Variants in OSBPL2 observed in about 807,000 individuals in gnomAD.
The protein encoded by OSBPL2 is oxysterol-binding protein-related protein 2.
In OSBPL2, 18 loss-of-function variants were observed where a neutral mutation model predicts 58.4. The observed-to-expected ratio is 0.31, with a 90% CI of 0.21 to 0.46. The LOEUF (loss-of-function observed/expected upper bound fraction) is 0.46, where lower values mean the gene tolerates loss of function less well. OSBPL2 is among the 20% of genes least tolerant of loss of function. The pLI is 1.00. For missense variants in OSBPL2, 461 were observed against 616.5 expected (o/e 0.75, Z 2.67); for synonymous variants, 221 against 234.1 (o/e 0.94, Z 0.51).
chr20:62,269,310 A>G lies in OSBPL2; in HGVS notation c.259-2815A>G, dbSNP rs1412303475. 6.6e-6 allele frequency among the ~76,000 whole-genome samples: 1 copy of G among 152,070 alleles called. No individual in the cohort carries two copies. Among genetic ancestry groups the G allele is most frequent in the East Asian group, 1.9e-4 (1 of 5,192 alleles). ...ACGGGTCATTTCTGATCTTTCATGGATCCAGCCGTGCGGCAGCAAAGAGCC... is the reference window on the plus strand; with the variant it reads ...ACGGGTCATTTCTGATCTTTCATGGGTCCAGCCGTGCGGCAGCAAAGAGCC... On this transcript the variant is annotated intron_variant, in intron 4 of 13. Coordinates refer to ENST00000313733, the MANE Select transcript of OSBPL2 (RefSeq NM_144498.4). The surrounding 1 kb of genome is among the most constrained non-coding windows in gnomAD (Gnocchi z 4.2).
intron 7 of OSBPL2, 32 bp from the exon 8 acceptor site, chr20:62,281,026 C>T (rs1982745406): frequency 6.5e-7 from 1 of 1,546,024 alleles, no homozygotes; most frequent in Non-Finnish European, 8.9e-7. Context: ...CTTTTCTGGA[C>T]TCTCACTGCT....
At chr20:62,280,202 A>G (rs963269258) in intron 7 of OSBPL2, 6 of 970,732 alleles carry the variant, frequency 6.2e-6, no homozygotes, top group Non-Finnish European at 8.4e-6. Flanking sequence ...TAAGTAATAA[A>G]CGACACCTTG....
At chr20:62,253,899 C>G (rs921016000) in intron 1 of OSBPL2, among the ~76,000 whole-genome samples, 7 of 152,100 alleles carry the variant, frequency 4.6e-5, no homozygotes, top group African/African-American at 1.7e-4. Flanking sequence ...TCAAGCGATT[C>G]ACCTGTCTCA....
chr20:62,289,456 TAAAC>T (rs1601203086), intron 12 of OSBPL2, 126 bp downstream of exon 12: 1 of 1,143,280 alleles, frequency 8.7e-7, no homozygotes, highest in Non-Finnish European at 1.2e-6. Flanking sequence ...TCCCTCTCCC[TAAAC>T]AAACAGGCAG....
chr20:62,245,742 G>T (rs944884), intron 1 of OSBPL2, among the ~76,000 whole-genome samples: 1 of 152,098 alleles, frequency 6.6e-6, no homozygotes, highest in Non-Finnish European at 1.5e-5. Flanking sequence ...GTGACGGGCT[G>T]CAGATGGTGA....
In OSBPL2 at chr20:62,273,680, C is replaced by T. The variant is rs532941023; in HGVS notation, c.491+274C>T. Among the ~76,000 whole-genome samples, 14 of 152,310 alleles carry T rather than the reference C, an allele frequency of 9.2e-5. No homozygotes were observed. The East Asian group carries it at 1.4e-3, about 15-fold the overall frequency. ...GCGTGGAGATAGCGCGCACTGTAGA[C>T]GCTTCCGTGTGTGTGTGCGACGTCT... On this transcript the variant is annotated intron_variant, in intron 6 of 13. Transcript: ENST00000313733.
At chr20:62,243,501 G>A (rs908376777) in intron 1 of OSBPL2, among the ~76,000 whole-genome samples, 2 of 152,122 alleles carry the variant, frequency 1.3e-5, no homozygotes, top group Admixed American at 6.5e-5. Flanking sequence ...CAGTGGCTCG[G>A]CTGTCAGGGT....
intron 5 of OSBPL2, among the ~76,000 whole-genome samples, chr20:62,272,494 G>A (rs1026456453): frequency 6.6e-6 from 1 of 152,208 alleles, no homozygotes; most frequent in Non-Finnish European, 1.5e-5. Context: ...CCCTGCTGCC[G>A]CCTCCTGCCG....
At chr20:62,282,584 A>G (rs1982862336) in intron 9 of OSBPL2, among the ~76,000 whole-genome samples, 1 of 152,332 alleles carries the variant, frequency 6.6e-6, no homozygotes, top group East Asian at 1.9e-4. Flanking sequence ...CTGTAATCCC[A>G]TCACTTCTGA....
rs1983162290 is a variant in OSBPL2 at position 62,286,818 on chromosome 20, G to A, written c.1125+107G>A. 7 of 1,326,612 alleles carry A rather than the reference G, an allele frequency of 5.3e-6. No individual in the cohort carries two copies. In the Admixed American group the frequency reaches 6.6e-5, roughly 12 times the overall value. 82.2% of individuals were successfully genotyped at this position (1,326,612 alleles called of 1,614,324 possible). On this transcript the variant is annotated intron_variant, in intron 11 of 13. Transcript: ENST00000313733. Reference sequence around the variant, plus strand: ...TCCTTGGGCCCTTGCCTGCCGCCTCGCCTCAGCCTGTTGTCCCAGAGCAGA... The same window carrying A: ...TCCTTGGGCCCTTGCCTGCCGCCTCACCTCAGCCTGTTGTCCCAGAGCAGA...
At chr20:62,241,059 T>C (rs1044739294) in intron 1 of OSBPL2, among the ~76,000 whole-genome samples, 2 of 152,220 alleles carry the variant, frequency 1.3e-5, no homozygotes, top group Non-Finnish European at 1.5e-5. Context: ...CAGACTCTGC[T>C]GTGTTCCACA....
chr20:62,262,406 G>A (rs1056808638), intron 3 of OSBPL2, among the ~76,000 whole-genome samples: 11 of 152,088 alleles, frequency 7.2e-5, no homozygotes, highest in African/African-American at 2.2e-4. Context: ...TTGTTCCTAC[G>A]CATCCCATCT....
intron 4 of OSBPL2, among the ~76,000 whole-genome samples, chr20:62,270,018 A>G (rs1208244808): frequency 3.9e-5 from 6 of 152,144 alleles, no homozygotes; most frequent in African/African-American, 1.4e-4. Context: ...CTCGTCCTTG[A>G]CCCAGTGTCT....
At chr20:62,282,317 C>T (rs578063063) in intron 9 of OSBPL2, among the ~76,000 whole-genome samples, 6 of 152,156 alleles carry the variant, frequency 3.9e-5, no homozygotes, top group Non-Finnish European at 7.3e-5. Context: ...CCAGTTCACT[C>T]CAGTCTTTAA....
chr20:62,293,761 A>AC (rs763802500), intron 13 of OSBPL2, 24 bp from the exon 14 acceptor site: 27 of 1,608,198 alleles, frequency 1.7e-5, no homozygotes, highest in Admixed American at 5.1e-5. Flanking sequence ...GCATCTTCTG[A>AC]CCCCCCTCCC....
At chr20:62,278,517 TTG>T (rs796956314) in intron 6 of OSBPL2, 40,536 of 110,768 alleles carry the variant, frequency 0.37, 10,197 homozygotes, top group Middle Eastern at 0.41. Context: ...TATGTGTGTG[TTG>T]CCAACGTTAG....
chr20:62,257,929 G>A (rs1467672241), intron 2 of OSBPL2, among the ~76,000 whole-genome samples: 6 of 152,100 alleles, frequency 3.9e-5, no homozygotes, highest in African/African-American at 1.4e-4. Flanking sequence ...TGGCCAGGCT[G>A]GTCTCGAACT....
Position 62,281,173 on chromosome 20 carries a change from C to T in OSBPL2, c.782+8C>T. ...GGAGATTTTAAACCACAGGTGACAGCACCCCACCGTTGGGTGAGAGCGCGA... is the reference window on the plus strand; with the variant it reads ...GGAGATTTTAAACCACAGGTGACAGTACCCCACCGTTGGGTGAGAGCGCGA... On this transcript the variant is annotated splice_region_variant and intron_variant, in intron 8 of 13. Coordinates refer to ENST00000313733, the MANE Select transcript of OSBPL2 (RefSeq NM_144498.4). 1 of 1,594,338 alleles carries T rather than the reference C, an allele frequency of 6.3e-7. No individual in the cohort carries two copies. Among genetic ancestry groups the T allele is most frequent in the South Asian group, 1.1e-5 (1 of 90,732 alleles).
intron 3 of OSBPL2, among the ~76,000 whole-genome samples, chr20:62,262,083 ACC>A (rs11307126): frequency 3.2e-4 from 45 of 142,162 alleles, no homozygotes; most frequent in African/African-American, 8.2e-4. Context: ...ACAGATCTGG[ACC>A]CCCCCCCCAC....
Sources: gnomAD v4.1 joint callset for allele counts (sites outside exome capture counted in the v4.1 genomes callset) on GRCh38, gnomAD v4.1.1 for gene constraint, Gnocchi (gnomAD v3.1) non-coding constraint, MANE v1.5 for transcripts, NCBI Gene and HGNC (gene_info 2026-07-23, HGNC 2026-07-21) for gene names.